DSE: variants seen among roughly 807,000 people sequenced by gnomAD.
The protein encoded by DSE is dermatan-sulfate epimerase.
A neutral mutation model predicts 84.4 loss-of-function variants in DSE; 36 were observed. The ratio of observed to expected loss-of-function variants is 0.43; its 90% CI spans 0.33 to 0.56. The LOEUF (loss-of-function observed/expected upper bound fraction) is 0.56. Ranked by LOEUF, DSE falls within the 20% of genes least tolerant of loss-of-function variation. DSE has a pLI of 0.06. For missense variants in DSE, 862 were observed against 1,169.6 expected (o/e 0.74, Z 3.84); for synonymous variants, 410 against 430.1 (o/e 0.95, Z 0.58).
chr6:116,301,389 C>A (rs1239248736), intron 2 of DSE, among the ~76,000 whole-genome samples: 3 of 152,200 alleles, frequency 2.0e-5, no homozygotes, highest in Admixed American at 6.5e-5. Flanking sequence ...CTCCCTACAG[C>A]AGGGAGGTTC....
intron 2 of DSE, among the ~76,000 whole-genome samples, chr6:116,414,796 C>G (rs540728295): frequency 1.3e-5 from 2 of 152,286 alleles, no homozygotes; most frequent in South Asian, 4.1e-4. Flanking sequence ...GTGTACAACT[C>G]TTTGTTTTCT....
intron 1 of DSE, among the ~76,000 whole-genome samples, chr6:116,377,417 A>C (rs1562265738): frequency 6.6e-6 from 1 of 152,200 alleles, no homozygotes; most frequent in Non-Finnish European, 1.5e-5. Flanking sequence ...TTGCAAGAAA[A>C]ATGATGTTTG....
At chr6:116,414,443 G>A (rs964032075) in intron 2 of DSE, among the ~76,000 whole-genome samples, 2 of 151,278 alleles carry the variant, frequency 1.3e-5, no homozygotes, top group Admixed American at 6.6e-5. Flanking sequence ...GTGGAGTTTC[G>A]CTCTTGTTGC....
At chr6:116,412,355 C>T (rs1782429000) in intron 2 of DSE, 2 of 152,156 alleles carry the variant, frequency 1.3e-5, no homozygotes, top group Non-Finnish European at 2.9e-5. Context: ...CATACAACAC[C>T]ATCTGCCCTC....
At chr6:116,294,456 A>G (rs890288119) in intron 2 of DSE, among the ~76,000 whole-genome samples, 1 of 152,232 alleles carries the variant, frequency 6.6e-6, no homozygotes, top group African/African-American at 2.4e-5. Flanking sequence ...AAATGCTCCT[A>G]TATTCATACA....
intron 2 of DSE, among the ~76,000 whole-genome samples, chr6:116,333,781 T>C (rs1190564561): frequency 1.3e-5 from 2 of 152,246 alleles, no homozygotes; most frequent in African/African-American, 4.8e-5. Flanking sequence ...CCTTATACAT[T>C]TATAAATTTC....
chr6:116,270,538 A>G (rs1409837244), intron 2 of DSE, among the ~76,000 whole-genome samples: 2 of 152,312 alleles, frequency 1.3e-5, no homozygotes, highest in East Asian at 3.8e-4. Flanking sequence ...GAATATTAAA[A>G]TATTTGAACT....
At chr6:116,318,393 C>T (rs537952694) in intron 2 of DSE, among the ~76,000 whole-genome samples, 1 of 152,206 alleles carries the variant, frequency 6.6e-6, no homozygotes, top group East Asian at 1.9e-4. Flanking sequence ...GTAGTCCCAG[C>T]TACTTGGGAG....
chr6:116,357,667 G>C (rs1778656458), intron 2 of DSE, among the ~76,000 whole-genome samples: 1 of 151,880 alleles, frequency 6.6e-6, no homozygotes, highest in South Asian at 2.1e-4. Flanking sequence ...TAGTGTTATT[G>C]GTAAGCATCC....
At chr6:116,273,560 G>A (rs1202112273) in intron 2 of DSE, among the ~76,000 whole-genome samples, 3 of 152,156 alleles carry the variant, frequency 2.0e-5, no homozygotes, top group African/African-American at 4.8e-5. Flanking sequence ...TTGAAGGAAA[G>A]GAAGTCAGTC....
intron 3 of DSE, among the ~76,000 whole-genome samples, chr6:116,430,687 A>G (rs888403818): frequency 2.6e-5 from 4 of 152,126 alleles, no homozygotes; most frequent in Non-Finnish European, 5.9e-5. Flanking sequence ...GACTACAGGC[A>G]TCTGCCACCA....
At chr6:116,370,500 G>GT, upstream of DSE, 1 of 986,438 alleles carries the variant, frequency 1.0e-6, no homozygotes, top group East Asian at 1.1e-4. Flanking sequence ...AGTCCCGGTA[G>GT]TAAGAGTCTT....
At position 116,435,803 on chromosome 6, in the gene DSE, T is replaced by C. The variant is rs1464825460; in HGVS notation, c.1335T>C (p.Asn445=). The change falls in exon 6 of 6, where the codon AAT becomes AAC. Residue 445 remains asparagine (N), a synonymous_variant. Coordinates refer to ENST00000644252, the MANE Select transcript of DSE (RefSeq NM_013352.4). The stretch of plus-strand genomic sequence containing the variant: ...AAGATTGGATCAAAGGATGGAGAAA[T>C]TTTAATGCAGGGCATGAACATCCTG... ...KYKDWIKGWR[N]FNAGHEHPDQ... is the part of the protein sequence containing the mutation. 1 of 1,614,120 alleles carries C rather than the reference T, an allele frequency of 6.2e-7. No homozygotes were observed. The highest frequency in any genetic ancestry group is 8.5e-7 in the Non-Finnish European group (1 of 1,180,014).
At chr6:116,279,096 C>T (rs1411111945) in intron 2 of DSE, 1 of 1,613,888 alleles carries the variant, frequency 6.2e-7, no homozygotes, top group South Asian at 1.1e-5. Flanking sequence ...CCCTGTCGGC[C>T]TGAGCATTCA....
At chr6:116,432,271 GT>G (rs1783889750) in intron 4 of DSE, among the ~76,000 whole-genome samples, 1 of 152,218 alleles carries the variant, frequency 6.6e-6, no homozygotes, top group South Asian at 2.1e-4. Flanking sequence ...GCTGTGAGCT[GT>G]GTCTGTGGCT....
At chr6:116,392,611 A>C (rs1381586299) in intron 1 of DSE, among the ~76,000 whole-genome samples, 1 of 152,166 alleles carries the variant, frequency 6.6e-6, no homozygotes, top group African/African-American at 2.4e-5. Flanking sequence ...TTTTGTCTTT[A>C]ATGATACCCC....
rs2115101745 is a variant in DSE, at chr6:116,437,881, G to A, written c.*536G>A. 1 of 152,248 alleles carries A rather than the reference G, an allele frequency of 6.6e-6. No individual in the cohort carries two copies. The highest frequency in any genetic ancestry group is 2.4e-5 in the African/African-American group (1 of 41,554). 9.4% of individuals were successfully genotyped at this position (152,248 alleles called of 1,614,324 possible). ...TCTTGAGTTATGTAACTAACAGGAT[G>A]TTTTACTACAGATCTGGATGGCTAT... On this transcript the variant is annotated 3_prime_UTR_variant, in exon 6 of 6. Transcript: ENST00000644252.
intron 2 of DSE, chr6:116,288,346 G>C (rs1306809743): frequency 6.6e-6 from 1 of 152,108 alleles, no homozygotes; most frequent in Non-Finnish European, 1.5e-5. Context: ...GCATATTAAA[G>C]TTAGACTATT....
At chr6:116,302,191 G>C (rs994260947) in intron 2 of DSE, among the ~76,000 whole-genome samples, 1 of 152,100 alleles carries the variant, frequency 6.6e-6, no homozygotes, top group Non-Finnish European at 1.5e-5. Context: ...TCTGTTTCTC[G>C]ATCCTTGAGG....
Sources: gnomAD v4.1 joint callset for allele counts (sites outside exome capture counted in the v4.1 genomes callset) on GRCh38, gnomAD v4.1.1 for gene constraint, MANE v1.5 for transcripts, NCBI Gene and HGNC (gene_info 2026-07-23, HGNC 2026-07-21) for gene names.